AMPD3: variants seen among roughly 807,000 people sequenced by gnomAD.
The protein encoded by AMPD3 is AMP deaminase 3.
In AMPD3, 57 loss-of-function variants were observed where a neutral mutation model predicts 82.3. The ratio of observed to expected loss-of-function variants is 0.69; its 90% CI spans 0.56 to 0.86. AMPD3 has a LOEUF of 0.86. Among genes scored for constraint, AMPD3 ranks in the 40% least tolerant of loss-of-function variants. The pLI is 0.00. For missense variants in AMPD3, 870 were observed against 1,003.8 expected (o/e 0.87, Z 1.80); for synonymous variants, 381 against 394.7 (o/e 0.97, Z 0.41).
intron 6 of AMPD3, chr11:10,490,390 G>A (rs775964014): frequency 1.1e-5 from 8 of 739,282 alleles, no homozygotes; most frequent in South Asian, 6.1e-5. Context: ...CCAATTAGGG[G>A]CCACCCCTAA....
chr11:10,495,347 G>A, intron 8 of AMPD3: 1 of 985,364 alleles, frequency 1.0e-6, no homozygotes. Flanking sequence ...TGCTTCTGCT[G>A]TGGCCTGGTT....
intron 8 of AMPD3, 93 bp from the exon 9 acceptor site, chr11:10,495,477 G>T: frequency 1.9e-6 from 3 of 1,602,646 alleles, no homozygotes; most frequent in Non-Finnish European, 2.6e-6. Context: ...CAAGGTGGCT[G>T]GGGGAGCAAC....
intron 2 of AMPD3, chr11:10,477,106 G>A (rs184721124): frequency 2.0e-6 from 2 of 985,472 alleles, no homozygotes; most frequent in Admixed American, 1.2e-4. Flanking sequence ...AAACTCGGCA[G>A]TGAGGATACC....
In AMPD3 at chr11:10,478,701, G is replaced by T. The variant is rs1370483916; in HGVS notation, c.397G>T (p.Val133Phe). The T allele has an allele frequency of 6.2e-6, 10 of 1,613,672 alleles. No individual in the cohort carries two copies. Among genetic ancestry groups the T allele is most frequent in the Non-Finnish European group, 8.5e-6 (10 of 1,180,044 alleles). The change falls in exon 3 of 15, where the codon GTC (valine) becomes TTC (phenylalanine). Residue 133 changes from valine (V) to phenylalanine (F), a missense_variant. Coordinates refer to ENST00000396553, the MANE Select transcript of AMPD3 (RefSeq NM_001025389.2). ...CTATGCCATGCCTGAGTTCCAGCGG[G>T]TCACCATCAGCGGAGATTACTGTGC... The part of the protein sequence containing the change: ...APYAMPEFQR[V>F]TISGDYCAGI...
rs6484336 is a variant in AMPD3, at chr11:10,505,075, G to A, written c.2127+416G>A. ...AGATAGTCCCTGGCACATAGCAGGC[G>A]CTCAATATTTCTTGAATAGATGAAC... On this transcript the variant is annotated intron_variant, in intron 14 of 14. Transcript: ENST00000396553. 4.7e-5 allele frequency: 46 copies of A among 977,126 alleles called. No homozygotes were observed. The Admixed American group carries it at 8.0e-4, about 17-fold the overall frequency. 60.5% of individuals were successfully genotyped at this position (977,126 alleles called of 1,614,324 possible).
At chr11:10,499,928 G>C in intron 10 of AMPD3, 158 bp from the exon 11 acceptor site, 1 of 982,280 alleles carries the variant, frequency 1.0e-6, no homozygotes, top group South Asian at 4.7e-5. Flanking sequence ...ATCCCTGGGA[G>C]GAATATGGCC....
chr11:10,461,854 G>A (rs985209078), intron 2 of AMPD3, 114 bp downstream of exon 2: 1 of 1,035,710 alleles, frequency 9.7e-7, no homozygotes, highest in Admixed American at 2.0e-5. Context: ...CCCTAGAGCT[G>A]TGTTGGTTCC....
chr11:10,452,849 A>G (rs1847994256), upstream of AMPD3, among the ~76,000 whole-genome samples: 1 of 152,234 alleles, frequency 6.6e-6, no homozygotes, highest in South Asian at 2.1e-4. Flanking sequence ...TTCATAGGGA[A>G]TAAAACCGAG....
intron 4 of AMPD3, chr11:10,484,202 A>G: frequency 7.2e-6 from 7 of 977,382 alleles, no homozygotes; most frequent in Non-Finnish European, 8.5e-6. Context: ...TGCATAGAGG[A>G]GTTTTCTACC....
intron 8 of AMPD3, 76 bp downstream of exon 8, chr11:10,495,106 G>A: frequency 6.2e-7 from 1 of 1,612,522 alleles, no homozygotes; most frequent in Non-Finnish European, 8.5e-7. Context: ...GGGGCCCTGT[G>A]TGCCCCTGGC....
intron 3 of AMPD3, chr11:10,481,743 T>C (rs906047032): frequency 1.7e-5 from 7 of 408,950 alleles, no homozygotes; most frequent in Admixed American, 7.2e-5. Flanking sequence ...TGACAGCACA[T>C]GTGGGAAGTG....
chr11:10,456,980 T>C lies in AMPD3; in HGVS notation c.-6+1532T>C. 6.7e-6 allele frequency among the ~76,000 whole-genome samples: 1 copy of C among 148,376 alleles called. No homozygotes were observed. The highest frequency in any genetic ancestry group is 1.9e-4 in the East Asian group (1 of 5,154). Reference sequence around the variant, plus strand: ...TTGTGGTTGCTGTTGTTTCTTGCTTTTTTTTTTTTTTTTTTGAGAGAAGGT... The same window carrying C: ...TTGTGGTTGCTGTTGTTTCTTGCTTCTTTTTTTTTTTTTTTGAGAGAAGGT... On this transcript the variant is annotated intron_variant, in intron 1 of 14. Transcript: ENST00000396553. This position sits in a 1 kb window ranked among gnomAD's most constrained non-coding sequence, Gnocchi z 4.3.
chr11:10,488,579 G>A (rs1388307304), intron 6 of AMPD3, among the ~76,000 whole-genome samples: 1 of 152,210 alleles, frequency 6.6e-6, no homozygotes, highest in Non-Finnish European at 1.5e-5. Flanking sequence ...GAGTAAGGCT[G>A]CAGAGATGTG....
chr11:10,473,026 T>C (rs933801449), intron 2 of AMPD3, among the ~76,000 whole-genome samples: 1 of 151,842 alleles, frequency 6.6e-6, no homozygotes, highest in Non-Finnish European at 1.5e-5. Flanking sequence ...GTTAGGGAGA[T>C]TGGGAAGCCG....
intron 2 of AMPD3, 133 bp downstream of exon 2, chr11:10,461,873 G>C (rs1306928158): frequency 4.7e-6 from 4 of 845,162 alleles, no homozygotes; most frequent in Non-Finnish European, 7.7e-6. Flanking sequence ...CCTTAACCAA[G>C]ACCACTTAAC....
intron 11 of AMPD3, chr11:10,501,257 C>T (rs1451644157): frequency 1.0e-6 from 1 of 985,260 alleles, no homozygotes; most frequent in Non-Finnish European, 1.2e-6. Context: ...GAGGCCCACT[C>T]TCTGCCCGTA....
chr11:10,470,445 G>T (rs4909934), intron 2 of AMPD3, among the ~76,000 whole-genome samples: 25,656 of 152,110 alleles, frequency 0.17, 2,362 homozygotes, highest in Admixed American at 0.29. Flanking sequence ...ATTCAACATA[G>T]TATTGGAAGT....
intron 7 of AMPD3, 96 bp downstream of exon 7, chr11:10,493,639 G>A: frequency 7.1e-7 from 1 of 1,399,552 alleles, no homozygotes; most frequent in Non-Finnish European, 9.9e-7. Context: ...TTGCCGGGAG[G>A]TGCTACGGAA....
Position 10,455,460 on chromosome 11 carries a change from A to C in AMPD3, c.-6+12A>C. 1.1e-5 allele frequency: 4 copies of C among 378,632 alleles called. No homozygotes were observed. The highest frequency in any genetic ancestry group is 1.2e-4 in the South Asian group (1 of 8,636). 23.5% of individuals were successfully genotyped at this position (378,632 alleles called of 1,614,324 possible). A position where few individuals can be genotyped will look rare whatever the true frequency, so the allele number is the denominator to read the frequency against. ...AGCAGTGAGCGGCTGTAAGCAGGGG[A>C]GGGTTTGGGGTGGGCTCCGGTGGGT... On this transcript the variant is annotated intron_variant, in intron 1 of 14. Coordinates refer to ENST00000396553, the MANE Select transcript of AMPD3 (RefSeq NM_001025389.2).
Sources: allele counts gnomAD v4.1 joint callset (sites outside exome capture counted in the v4.1 genomes callset), GRCh38; gene constraint gnomAD v4.1.1; non-coding constraint Gnocchi (gnomAD v3.1); transcripts MANE v1.5; gene names NCBI Gene and HGNC (gene_info 2026-07-23, HGNC 2026-07-21).